The following SMPD3 variants were observed in gnomAD, a reference collection of about 807,000 sequenced individuals.
The protein encoded by SMPD3 is sphingomyelin phosphodiesterase 3.
A neutral mutation model predicts 55.7 loss-of-function variants in SMPD3; 21 were observed. The observed-to-expected ratio is 0.38, with a 90% CI of 0.27 to 0.54. The LOEUF (loss-of-function observed/expected upper bound fraction) is 0.54, where lower values mean the gene tolerates loss of function less well. Among genes scored for constraint, SMPD3 ranks in the 20% least tolerant of loss-of-function variants. The pLI is 0.80. For synonymous variants in SMPD3, 457 were observed against 404.3 expected, an observed-to-expected ratio of 1.13 and a Z score of -1.56; for missense variants, 842 against 899.6, an observed-to-expected ratio of 0.94 and a Z score of 0.82.
Position 68,388,308 on chromosome 16 carries a change from G to A in SMPD3, c.-268-1649C>T, listed in dbSNP as rs185548537. On this transcript the variant is annotated intron_variant, in intron 1 of 8. Transcript: ENST00000219334. ...AGTCCAGCCTGCCGGGAAGCAGAGGGTGACCTGCTGTCCCGGCCTGTCCTC... is the reference window on the plus strand; with the variant it reads ...AGTCCAGCCTGCCGGGAAGCAGAGGATGACCTGCTGTCCCGGCCTGTCCTC... Among the ~76,000 whole-genome samples the A allele has an allele frequency of 2.8e-3, 422 of 152,202 alleles. 2 individuals are homozygous for A. Among genetic ancestry groups the A allele is most frequent in the Middle Eastern group, 3.4e-3 (1 of 294 alleles).
chr16:68,410,278 C>T (rs1178310025), intron 1 of SMPD3, among the ~76,000 whole-genome samples: 2 of 152,072 alleles, frequency 1.3e-5, no homozygotes, highest in African/African-American at 2.4e-5. Flanking sequence ...CCAGATGCTC[C>T]CAGGGGAGGG....
At chr16:68,422,843 A>T (rs951214936) in intron 1 of SMPD3, among the ~76,000 whole-genome samples, 3 of 152,192 alleles carry the variant, frequency 2.0e-5, no homozygotes, top group African/African-American at 7.2e-5. Context: ...CGTTAAAGTG[A>T]GGAGGTTAAT....
intron 2 of SMPD3, 65 bp from the exon 3 acceptor site, chr16:68,372,452 C>T: frequency 1.9e-6 from 1 of 517,434 alleles, no homozygotes; most frequent in Admixed American, 3.3e-5. Flanking sequence ...AGATATGGGG[C>T]CTTTGCCCCA....
intron 2 of SMPD3, among the ~76,000 whole-genome samples, chr16:68,374,590 C>G (rs1211648798): frequency 6.6e-6 from 1 of 152,128 alleles, no homozygotes; most frequent in Non-Finnish European, 1.5e-5. Flanking sequence ...GGTCCACCCC[C>G]GCCTGCCATC....
chr16:68,433,712 C>G (rs1413000141), intron 1 of SMPD3, among the ~76,000 whole-genome samples: 1 of 152,328 alleles, frequency 6.6e-6, no homozygotes, highest in Non-Finnish European at 1.5e-5. Flanking sequence ...AGGACCTGGA[C>G]GAGCGAAGAA....
At position 68,363,530 on chromosome 16, in the gene SMPD3, C is replaced by A. The variant is rs745353226; in HGVS notation, c.1675G>T (p.Asp559Tyr). The change falls in exon 7 of 9, where the codon GAT becomes TAT. Residue 559 changes from aspartate (D) to tyrosine (Y), a missense_variant. Coordinates refer to ENST00000219334, the MANE Select transcript of SMPD3 (RefSeq NM_018667.4). The stretch of plus-strand genomic sequence containing the variant: ...TTGTCGGGGGTGCACACATCCTCAT[C>A]GTACAGGCCGTTCGTGTCCAGCAGA... ...GTLLDTNGLY[D>Y]EDVCTPDNLQ... The A allele has an allele frequency of 6.2e-7, 1 of 1,613,992 alleles. No homozygotes were observed. The highest frequency in any genetic ancestry group is 8.5e-7 in the Non-Finnish European group (1 of 1,179,994).
chr16:68,402,969 G>A (rs926811848), intron 1 of SMPD3, among the ~76,000 whole-genome samples: 2 of 152,244 alleles, frequency 1.3e-5, no homozygotes, highest in African/African-American at 2.4e-5. Context: ...CTATAATGAT[G>A]ATGAGCTAGT....
chr16:68,372,038 C>T lies in SMPD3; in HGVS notation c.144G>A (p.Arg48=). 2.5e-6 allele frequency: 4 copies of T among 1,610,044 alleles called. No individual in the cohort carries two copies. Among genetic ancestry groups the T allele is most frequent in the Non-Finnish European group, 2.5e-6 (3 of 1,178,632 alleles). ...GCTGCAGGCAGCACGGGTCGTCTGC[C>T]CGCTGGCGCTTCTCGTAGGTGGTGG... ...FIPTTYEKRQ[R]ADDPCCLQLL... The change falls in exon 3 of 9, where the codon CGG becomes CGA. Residue 48 remains arginine, a synonymous_variant. Coordinates refer to ENST00000219334, the MANE Select transcript of SMPD3 (RefSeq NM_018667.4).
In SMPD3 at chr16:68,416,330, C is replaced by A. The variant is rs200583198; in HGVS notation, c.-268-29671G>T. ...TGGTCTCCCCATTGTTCCCTGTGAG[C>A]CCCTTCCCATCTCCCTCTCTCTGGG... is the stretch of plus-strand genomic sequence containing the variant. On this transcript the variant is annotated intron_variant, in intron 1 of 8. Transcript: ENST00000219334. 8.5e-5 allele frequency among the ~76,000 whole-genome samples: 13 copies of A among 152,296 alleles called. No homozygotes were observed. The East Asian group carries it at 2.1e-3, about 25-fold the overall frequency.
rs539643873 is a variant in SMPD3, at chr16:68,417,774, C to T, written c.-269+30579G>A. On this transcript the variant is annotated intron_variant, in intron 1 of 8. Transcript: ENST00000219334. ...GTCGTTTTGCTATATCACACAGCTCCGTCTGAGCTGCCTCAAACCCTGCGT... is the reference window on the plus strand; with the variant it reads ...GTCGTTTTGCTATATCACACAGCTCTGTCTGAGCTGCCTCAAACCCTGCGT... Among the ~76,000 whole-genome samples, 141 of 152,290 alleles carry T rather than the reference C, an allele frequency of 9.3e-4. 1 individual carries two copies. The highest frequency in any genetic ancestry group is 1.7e-3 in the Non-Finnish European group (113 of 68,022).
At chr16:68,442,672 C>G (rs1164806637) in intron 1 of SMPD3, among the ~76,000 whole-genome samples, 1 of 152,220 alleles carries the variant, frequency 6.6e-6, no homozygotes, top group Non-Finnish European at 1.5e-5. Flanking sequence ...ATTTCCTGAT[C>G]CTGTGTGCAA....
rs924176681 is a variant in SMPD3 at position 68,412,539 on chromosome 16, T to G, written c.-268-25880A>C. Among the ~76,000 whole-genome samples, 5 of 152,232 alleles carry G rather than the reference T, an allele frequency of 3.3e-5. No homozygotes were observed. In the South Asian group the frequency reaches 8.3e-4, roughly 25 times the overall value. On this transcript the variant is annotated intron_variant, in intron 1 of 8. Coordinates refer to ENST00000219334, the MANE Select transcript of SMPD3 (RefSeq NM_018667.4). The stretch of plus-strand genomic sequence containing the variant: ...CACCCCCAGTCCCTGCCTGCTCACC[T>G]GTAGGCAGAGGCCCTCACTCAGAGC...
Position 68,444,893 on chromosome 16 carries a change from C to T in SMPD3, c.-269+3460G>A, listed in dbSNP as rs2090598484. On this transcript the variant is annotated intron_variant, in intron 1 of 8. Transcript: ENST00000219334. Reference sequence around the variant, plus strand: ...CTATTTTTACTTTATGATACTGAGTCACATAGTTCAATGCAAATCACATGG... The same window carrying T: ...CTATTTTTACTTTATGATACTGAGTTACATAGTTCAATGCAAATCACATGG... Among the ~76,000 whole-genome samples the T allele has an allele frequency of 4.6e-5, 7 of 152,236 alleles. No individual in the cohort carries two copies. The South Asian group carries it at 1.4e-3, about 32-fold the overall frequency.
At chr16:68,441,361 A>C (rs1288823499) in intron 1 of SMPD3, among the ~76,000 whole-genome samples, 1 of 152,214 alleles carries the variant, frequency 6.6e-6, no homozygotes, top group Non-Finnish European at 1.5e-5. Flanking sequence ...TCAGTTTATA[A>C]AGAAAATATC....
At chr16:68,390,735 C>T (rs2090104027) in intron 1 of SMPD3, among the ~76,000 whole-genome samples, 1 of 152,172 alleles carries the variant, frequency 6.6e-6, no homozygotes, top group South Asian at 2.1e-4. Context: ...TCATTTTACC[C>T]AGCACCTATT....
chr16:68,408,577 C>T (rs2090271093), intron 1 of SMPD3, among the ~76,000 whole-genome samples: 1 of 152,228 alleles, frequency 6.6e-6, no homozygotes, highest in Non-Finnish European at 1.5e-5. Context: ...GGCTCCCATT[C>T]AATCAGCATA....
chr16:68,447,724 G>A lies in SMPD3; in HGVS notation c.-269+629C>T, dbSNP rs1049137751. Among the ~76,000 whole-genome samples the A allele has an allele frequency of 6.6e-6, 1 of 151,804 alleles. No homozygotes were observed. Among genetic ancestry groups the A allele is most frequent in the African/African-American group, 2.4e-5 (1 of 41,308 alleles). ...ACCAGTAACCTAGGAGGGTCCAAGT[G>A]GGAGGGGTAAGAGTCCTCTGTCTCT... On this transcript the variant is annotated intron_variant, in intron 1 of 8. Coordinates refer to ENST00000219334, the MANE Select transcript of SMPD3 (RefSeq NM_018667.4). This position sits in a 1 kb window ranked among gnomAD's most constrained non-coding sequence, Gnocchi z 5.1.
intron 1 of SMPD3, among the ~76,000 whole-genome samples, chr16:68,420,260 T>C (rs1345297285): frequency 6.6e-6 from 1 of 152,180 alleles, no homozygotes; most frequent in African/African-American, 2.4e-5. Context: ...TTATTACTAA[T>C]ATCATTACTA....
chr16:68,437,116 C>G (rs1424578880), intron 1 of SMPD3, among the ~76,000 whole-genome samples: 2 of 152,242 alleles, frequency 1.3e-5, no homozygotes, highest in Admixed American at 1.3e-4. Context: ...AATTGACTAC[C>G]TCCCTGAGGA....
Sources: gnomAD v4.1 joint callset for allele counts (sites outside exome capture counted in the v4.1 genomes callset) on GRCh38, gnomAD v4.1.1 for gene constraint, Gnocchi (gnomAD v3.1) non-coding constraint, MANE v1.5 for transcripts, NCBI Gene and HGNC (gene_info 2026-07-23, HGNC 2026-07-21) for gene names.